The following CEP170B variants were observed in gnomAD, a reference collection of about 807,000 sequenced individuals.
The protein encoded by CEP170B is centrosomal protein of 170 kDa protein B.
Under a neutral mutation model 120.6 loss-of-function variants are expected in CEP170B, and 55 were observed. The observed-to-expected ratio is 0.46, with a 90% CI of 0.37 to 0.57. The LOEUF (loss-of-function observed/expected upper bound fraction) is 0.57, where lower values mean the gene tolerates loss of function less well. Among genes scored for constraint, CEP170B ranks in the 20% least tolerant of loss-of-function variants. The pLI, the probability that CEP170B is intolerant of heterozygous loss-of-function variation, is 0.00. For synonymous variants in CEP170B, 1,033 were observed against 954.5 expected (o/e 1.08, Z -1.52); for missense variants, 2,212 against 2,253.3 (o/e 0.98, Z 0.37).
chr14:104,886,842 G>A lies in CEP170B; in HGVS notation c.2603G>A (p.Ser868Asn), dbSNP rs369821443. The A allele has an allele frequency of 5.6e-5, 90 of 1,610,872 alleles. No individual in the cohort carries two copies. The highest frequency in any genetic ancestry group is 7.5e-5 in the Non-Finnish European group (88 of 1,179,838). ...GPAPAFLRQE[S>N]FTKEPASGPP... ...GCCCCAGCCTTTCTCCGGCAAGAGA[G>A]CTTCACTAAGGAGCCAGCCAGTGGT... Residue 868 changes from serine to asparagine, a missense_variant, in exon 12 of 19, where the codon AGC becomes AAC. This residue lies in a region of CEP170B where 2,166 missense variants were observed against 2,166.7 expected (regional missense o/e 1.00). Transcript: ENST00000414716.
At chr14:104,874,226 A>G (rs947873765) in intron 2 of CEP170B, among the ~76,000 whole-genome samples, 3 of 152,068 alleles carry the variant, frequency 2.0e-5, no homozygotes, top group Admixed American at 6.5e-5. Flanking sequence ...GGAGGAGGTG[A>G]TGTCTGGCAT....
In CEP170B at chr14:104,868,618, A is replaced by G; in HGVS notation, c.105+63A>G. The stretch of plus-strand genomic sequence containing the variant: ...TAGACAGTCTGTCCCTGTGGAGGCC[A>G]GGAAGGTGCCCACCCCACTTGCTGC... On this transcript the variant is annotated intron_variant, in intron 2 of 18. Coordinates refer to ENST00000414716, the MANE Select transcript of CEP170B (RefSeq NM_001112726.3). The surrounding 1 kb of genome is among the most constrained non-coding windows in gnomAD (Gnocchi z 5.9). 1 of 1,452,476 alleles carries G rather than the reference A, an allele frequency of 6.9e-7. No homozygotes were observed. The highest frequency in any genetic ancestry group is 2.5e-5 in the East Asian group (1 of 40,210). The allele number at this position is 1,452,476 out of a possible 1,614,324, so 90.0% of individuals were successfully genotyped here.
At chr14:104,892,269 C>T (rs1357817246) in intron 13 of CEP170B, among the ~76,000 whole-genome samples, 3 of 152,122 alleles carry the variant, frequency 2.0e-5, no homozygotes, top group Non-Finnish European at 4.4e-5. Flanking sequence ...GAGCTGCTCA[C>T]GGGCCCGGCA....
intron 6 of CEP170B, among the ~76,000 whole-genome samples, chr14:104,881,172 C>G (rs533827198): frequency 2.0e-5 from 3 of 152,004 alleles, no homozygotes; most frequent in African/African-American, 7.2e-5. Context: ...GTCAGTGCAG[C>G]GGGTAGGCAG....
At position 104,894,889 on chromosome 14, in the gene CEP170B, G is replaced by A; in HGVS notation, c.4596G>A (p.Arg1532=). ...PALPLRNFPQ[R]ASCGPPSLPD... The stretch of plus-strand genomic sequence containing the variant: ...TGCCCCTGAGGAATTTCCCACAGCG[G>A]GCCAGCTGTGGGCCTCCCAGCCTCC... Residue 1532 remains arginine (R), a synonymous_variant, in exon 19 of 19, where the codon CGG becomes CGA. Coordinates refer to ENST00000414716, the MANE Select transcript of CEP170B (RefSeq NM_001112726.3). 1 of 1,602,554 alleles carries A rather than the reference G, an allele frequency of 6.2e-7. No homozygotes were observed. The highest frequency in any genetic ancestry group is 1.1e-5 in the South Asian group (1 of 89,942).
chr14:104,885,310 G>T, intron 9 of CEP170B, 59 bp from the exon 10 acceptor site: 1 of 1,472,280 alleles, frequency 6.8e-7, no homozygotes, highest in Non-Finnish European at 9.0e-7. Context: ...AGTGTCAGTG[G>T]AGGGTTGGGA....
intron 6 of CEP170B, 130 bp from the exon 7 acceptor site, chr14:104,882,598 C>T: frequency 1.5e-6 from 1 of 659,860 alleles, no homozygotes. Flanking sequence ...CCCTGGGCTG[C>T]CACAGGGCCA....
At chr14:104,892,278 C>T (rs555318744) in intron 13 of CEP170B, among the ~76,000 whole-genome samples, 121 of 152,256 alleles carry the variant, frequency 7.9e-4, no homozygotes, top group African/African-American at 2.9e-3. Flanking sequence ...ACGGGCCCGG[C>T]AGGCCCCTGT....
In CEP170B at chr14:104,887,617, G is replaced by A; in HGVS notation, c.3378G>A (p.Leu1126=). Reference sequence around the variant, plus strand: ...CTCGCCCCACACGGGCCTCCCGGCTGAGGCGGGCCCGGCTGGGGGACGCTT... The same window carrying A: ...CTCGCCCCACACGGGCCTCCCGGCTAAGGCGGGCCCGGCTGGGGGACGCTT... The part of the protein sequence containing the change: ...STPRPTRASR[L]RRARLGDASD... Residue 1126 remains leucine, a synonymous_variant, in exon 12 of 19, where the codon CTG becomes CTA. Transcript: ENST00000414716. 1 of 1,575,982 alleles carries A rather than the reference G, an allele frequency of 6.3e-7. No individual in the cohort carries two copies. The highest frequency in any genetic ancestry group is 1.3e-5 in the African/African-American group (1 of 74,350).
chr14:104,883,340 C>A lies in CEP170B; in HGVS notation c.883C>A (p.Arg295=). 1 of 1,611,308 alleles carries A rather than the reference C, an allele frequency of 6.2e-7. No individual in the cohort carries two copies. Among genetic ancestry groups the A allele is most frequent in the Admixed American group, 1.7e-5 (1 of 59,902 alleles). ...DHITKFSLRQ[R]RPPGKEATPG... Reference sequence around the variant, plus strand: ...TATCACCAAGTTTTCCCTGCGCCAGCGGCGGCCCCCGGGCAAGGAGGCCAC... The same window carrying A: ...TATCACCAAGTTTTCCCTGCGCCAGAGGCGGCCCCCGGGCAAGGAGGCCAC... Residue 295 remains arginine (R), a synonymous_variant, in exon 8 of 19, where the codon CGG becomes AGG. Coordinates refer to ENST00000414716, the MANE Select transcript of CEP170B (RefSeq NM_001112726.3).
chr14:104,885,256 C>T, intron 9 of CEP170B, 113 bp from the exon 10 acceptor site: 1 of 1,267,502 alleles, frequency 7.9e-7, no homozygotes, highest in South Asian at 1.6e-5. Context: ...ACCAGCCACT[C>T]TGGCCAACCA....
At position 104,884,249 on chromosome 14, in the gene CEP170B, C is replaced by A; in HGVS notation, c.1470C>A (p.Phe490Leu). 1 of 1,544,616 alleles carries A rather than the reference C, an allele frequency of 6.5e-7. No individual in the cohort carries two copies. Among genetic ancestry groups the A allele is most frequent in the Non-Finnish European group, 8.7e-7 (1 of 1,146,856 alleles). ...SPASRTPARPFGSVGRRSRLA... is the reference protein window; with the variant it reads ...SPASRTPARPLGSVGRRSRLA... ...CCTCCCGAACCCCTGCCCGCCCCTTCGGAAGCGTGGGGCGCCGCTCCCGCC... is the reference window on the plus strand; with the variant it reads ...CCTCCCGAACCCCTGCCCGCCCCTTAGGAAGCGTGGGGCGCCGCTCCCGCC... Residue 490 changes from phenylalanine to leucine, a missense_variant, in exon 9 of 19, where the codon TTC becomes TTA. Phe to Leu is a conservative substitution (Grantham distance 22). This residue lies in a region of CEP170B where 2,166 missense variants were observed against 2,166.7 expected (regional missense o/e 1.00). Transcript: ENST00000414716.
intron 13 of CEP170B, among the ~76,000 whole-genome samples, 191 bp downstream of exon 13, chr14:104,889,949 G>A (rs866271223): frequency 1.6e-4 from 9 of 57,144 alleles, no homozygotes; most frequent in Non-Finnish European, 2.2e-4. Flanking sequence ...TGGATGGATG[G>A]ATGAATGGAT....
intron 1 of CEP170B, among the ~76,000 whole-genome samples, chr14:104,866,860 C>T (rs574949129): frequency 6.6e-5 from 10 of 152,166 alleles, no homozygotes; most frequent in Non-Finnish European, 1.5e-4. Context: ...CCTCAGGATG[C>T]ACTCAGCCCG....
Position 104,893,056 on chromosome 14 carries a change from G to C in CEP170B, c.3959G>C (p.Gly1320Ala), listed in dbSNP as rs943728580. The C allele has an allele frequency of 2.5e-6, 4 of 1,598,672 alleles. No individual in the cohort carries two copies. In the African/African-American group the frequency reaches 4.0e-5, roughly 16 times the overall value. The change falls in exon 14 of 19, where the codon GGC becomes GCC. Residue 1320 changes from glycine (G) to alanine (A), a missense_variant. By Grantham distance (60) the Gly-to-Ala change is moderately conservative (BLOSUM62 0). Transcript: ENST00000414716. ...GTGGCTGGGGACGGTGACACACTGGGCTCCTCGGAGCCTGCCCACAGCGCC... is the reference window on the plus strand; with the variant it reads ...GTGGCTGGGGACGGTGACACACTGGCCTCCTCGGAGCCTGCCCACAGCGCC... ...HDVAGDGDTL[G>A]SSEPAHSASL...
At chr14:104,875,107 A>G (rs1595318799) in intron 2 of CEP170B, among the ~76,000 whole-genome samples, 1 of 152,202 alleles carries the variant, frequency 6.6e-6, no homozygotes, top group East Asian at 1.9e-4. Flanking sequence ...GCCAGCTGCC[A>G]GGGTGGCCTG....
At chr14:104,894,199 G>A in intron 16 of CEP170B, 86 bp from the exon 17 acceptor site, 2 of 1,090,646 alleles carry the variant, frequency 1.8e-6, no homozygotes, top group Admixed American at 1.8e-5. Flanking sequence ...ACTTCACCAT[G>A]GCAGAGGAGG....
chr14:104,880,062 C>G (rs1047012650), intron 5 of CEP170B, among the ~76,000 whole-genome samples: 1 of 152,192 alleles, frequency 6.6e-6, no homozygotes, highest in African/African-American at 2.4e-5. Flanking sequence ...AAGCAGGCCC[C>G]TGCTTTCCCT....
At chr14:104,889,929 GAT>G (rs1896710859) in intron 13 of CEP170B, among the ~76,000 whole-genome samples, 171 bp downstream of exon 13, 2 of 76,006 alleles carry the variant, frequency 2.6e-5, no homozygotes, top group Non-Finnish European at 3.0e-5. Context: ...TGGATGGATG[GAT>G]GGATGGATGG....
Sources: allele counts gnomAD v4.1 joint callset (sites outside exome capture counted in the v4.1 genomes callset), GRCh38; gene constraint gnomAD v4.1.1; regional missense constraint gnomAD v4.1.1; non-coding constraint Gnocchi (gnomAD v3.1); transcripts MANE v1.5; gene names NCBI Gene and HGNC (gene_info 2026-07-23, HGNC 2026-07-21).